The following ASIC2 variants were observed in gnomAD, a reference collection of about 807,000 sequenced individuals.
ASIC2 encodes acid sensing ion channel subunit 2, also known as acid-sensing ion channel 2.
Under a neutral mutation model 57.3 loss-of-function variants are expected in ASIC2, and 25 were observed. The observed-to-expected ratio is 0.44, with a 90% CI of 0.32 to 0.61. The LOEUF is 0.61. Among genes scored for constraint, ASIC2 ranks in the 20% least tolerant of loss-of-function variants. The pLI, the probability that ASIC2 is intolerant of heterozygous loss-of-function variation, is 0.06. For synonymous variants in ASIC2, 319 were observed against 307.5 expected, an observed-to-expected ratio of 1.04 and a Z score of -0.39; for missense variants, 641 against 738.1, an observed-to-expected ratio of 0.87 and a Z score of 1.52.
At chr17:34,034,071 T>G (rs1312491629) in intron 1 of ASIC2, among the ~76,000 whole-genome samples, 1 of 152,198 alleles carries the variant, frequency 6.6e-6, no homozygotes, top group Non-Finnish European at 1.5e-5. Context: ...AAGAGAATTT[T>G]AGACCAATAT....
intron 1 of ASIC2, among the ~76,000 whole-genome samples, chr17:34,113,050 C>T (rs1911322992): frequency 1.3e-5 from 2 of 152,030 alleles, no homozygotes; most frequent in Non-Finnish European, 2.9e-5. Context: ...TTCAAGTAAC[C>T]AACAGTATTT....
intron 1 of ASIC2, among the ~76,000 whole-genome samples, chr17:33,497,302 C>T (rs761579802): frequency 6.6e-6 from 1 of 152,224 alleles, no homozygotes; most frequent in Non-Finnish European, 1.5e-5. Context: ...CTGGGCCCCA[C>T]ATGGGCATTT....
At chr17:33,434,135 A>G (rs1213228411) in intron 1 of ASIC2, among the ~76,000 whole-genome samples, 4 of 151,898 alleles carry the variant, frequency 2.6e-5, no homozygotes, top group Non-Finnish European at 5.9e-5. Context: ...TAAATAAATA[A>G]TAAATAAATA....
chr17:33,386,799 A>G (rs1909697905), intron 1 of ASIC2, among the ~76,000 whole-genome samples: 1 of 152,142 alleles, frequency 6.6e-6, no homozygotes, highest in Non-Finnish European at 1.5e-5. Flanking sequence ...CATGACTCGC[A>G]GACTTCCTGC....
intron 1 of ASIC2, among the ~76,000 whole-genome samples, chr17:33,216,181 A>AT (rs1204495417): frequency 6.6e-6 from 1 of 152,154 alleles, no homozygotes; most frequent in Non-Finnish European, 1.5e-5. Flanking sequence ...TTGACCATTG[A>AT]TTGGCAGTAG....
At chr17:33,107,810 C>A (rs766068402) in intron 2 of ASIC2, among the ~76,000 whole-genome samples, 1 of 152,154 alleles carries the variant, frequency 6.6e-6, no homozygotes, top group Non-Finnish European at 1.5e-5. Context: ...TAGAATTATC[C>A]CCAGAAGAGT....
chr17:34,111,665 A>G (rs1330900098), intron 1 of ASIC2, among the ~76,000 whole-genome samples: 1 of 152,206 alleles, frequency 6.6e-6, no homozygotes, highest in Non-Finnish European at 1.5e-5. Flanking sequence ...CACCATTATT[A>G]TAAGGGAGAA....
At chr17:33,473,167 T>TCTAG (rs1367361390) in intron 1 of ASIC2, among the ~76,000 whole-genome samples, 2 of 152,258 alleles carry the variant, frequency 1.3e-5, no homozygotes, top group African/African-American at 4.8e-5. Context: ...AGGATCTGAT[T>TCTAG]CTAGCCAAGG....
intron 1 of ASIC2, among the ~76,000 whole-genome samples, chr17:33,261,774 G>A (rs79545114): frequency 6.6e-6 from 1 of 152,130 alleles, no homozygotes. Flanking sequence ...CAGAAAGTCT[G>A]CTCCAGAATC....
chr17:34,137,718 G>C (rs1201971457), intron 1 of ASIC2, among the ~76,000 whole-genome samples: 1 of 152,188 alleles, frequency 6.6e-6, no homozygotes, highest in Non-Finnish European at 1.5e-5. Context: ...GGAAGTCCAA[G>C]CTCAAAGTGC....
intron 1 of ASIC2, among the ~76,000 whole-genome samples, chr17:33,272,682 C>A (rs1904546203): frequency 6.6e-6 from 1 of 152,200 alleles, no homozygotes; most frequent in African/African-American, 2.4e-5. Context: ...ATTGTCATCA[C>A]TATCATCATC....
chr17:33,795,408 C>T (rs1911887979), intron 1 of ASIC2, among the ~76,000 whole-genome samples: 1 of 152,248 alleles, frequency 6.6e-6, no homozygotes, highest in South Asian at 2.1e-4. Flanking sequence ...ATCCTTTTTG[C>T]CTTACTCCTT....
At chr17:33,098,105 G>C (rs2092191367) in intron 2 of ASIC2, among the ~76,000 whole-genome samples, 1 of 152,184 alleles carries the variant, frequency 6.6e-6, no homozygotes, top group Admixed American at 6.5e-5. Context: ...TTCAAATGAA[G>C]CAGGGGCTGA....
At chr17:33,828,030 C>T (rs909802371) in intron 1 of ASIC2, 3 of 152,158 alleles carry the variant, frequency 2.0e-5, no homozygotes, top group Non-Finnish European at 4.4e-5. Flanking sequence ...CAGCTTCATC[C>T]ATGTCCCTAT....
chr17:33,952,184 A>G (rs1312882574), intron 1 of ASIC2, among the ~76,000 whole-genome samples: 1 of 152,192 alleles, frequency 6.6e-6, no homozygotes, highest in African/African-American at 2.4e-5. Context: ...ATGTTGAACA[A>G]TGAGTGAAGA....
intron 1 of ASIC2, among the ~76,000 whole-genome samples, chr17:33,507,182 G>T (rs1324217657): frequency 2.6e-5 from 4 of 152,150 alleles, no homozygotes; most frequent in African/African-American, 9.7e-5. Context: ...AAACAGCTCT[G>T]TTTACAATGC....
chr17:33,165,286 T>C (rs1416608513), intron 1 of ASIC2, among the ~76,000 whole-genome samples: 2 of 152,186 alleles, frequency 1.3e-5, no homozygotes, highest in African/African-American at 4.8e-5. Flanking sequence ...CTAATAGTCA[T>C]GCTGTGCCAT....
At chr17:33,168,919 A>G (rs1905403454) in intron 1 of ASIC2, among the ~76,000 whole-genome samples, 1 of 152,230 alleles carries the variant, frequency 6.6e-6, no homozygotes. Context: ...TAATACTGAT[A>G]GAAAAAAGAT....
intron 1 of ASIC2, among the ~76,000 whole-genome samples, chr17:34,134,703 T>A (rs1008447664): frequency 2.6e-5 from 4 of 152,164 alleles, no homozygotes; most frequent in Non-Finnish European, 5.9e-5. Flanking sequence ...CAGAATCTGT[T>A]TCTATTTGCG....
Sources: allele counts gnomAD v4.1 joint callset (sites outside exome capture counted in the v4.1 genomes callset), GRCh38; gene constraint gnomAD v4.1.1; transcripts MANE v1.5; gene names NCBI Gene and HGNC (gene_info 2026-07-23, HGNC 2026-07-21).